Variants in TTC28 observed in about 807,000 individuals in gnomAD.
TTC28 encodes the protein tetratricopeptide repeat protein 28.
A neutral mutation model predicts 198.0 loss-of-function variants in TTC28; 61 were observed. The observed-to-expected ratio is 0.31, with a 90% confidence interval of 0.25 to 0.38. TTC28 has a LOEUF of 0.38. Ranked by LOEUF, TTC28 falls within the 10% of genes least tolerant of loss-of-function variation. The pLI, the probability that TTC28 is intolerant of heterozygous loss-of-function variation, is 1.00. For synonymous variants in TTC28, 1,171 were observed against 1,297.8 expected, an observed-to-expected ratio of 0.90 and a Z score of 2.10; for missense variants, 2,678 against 3,164.0, an observed-to-expected ratio of 0.85 and a Z score of 3.69.
intron 12 of TTC28, among the ~76,000 whole-genome samples, chr22:28,069,745 C>T (rs1003600190): frequency 6.6e-6 from 1 of 152,000 alleles, no homozygotes; most frequent in South Asian, 2.1e-4. Context: ...ATTATCTATC[C>T]CTTTTCAACC....
At chr22:28,223,528 A>C (rs779108696) in intron 5 of TTC28, among the ~76,000 whole-genome samples, 3 of 152,194 alleles carry the variant, frequency 2.0e-5, no homozygotes, top group Non-Finnish European at 2.9e-5. Context: ...AATTATCTGA[A>C]CTAGATTTGA....
intron 6 of TTC28, among the ~76,000 whole-genome samples, chr22:28,132,528 G>C (rs1943084143): frequency 6.6e-6 from 1 of 152,158 alleles, no homozygotes; most frequent in Non-Finnish European, 1.5e-5. Context: ...TAAAGTAAGA[G>C]TTAGACTGAA....
chr22:28,263,202 T>A (rs1302962919), intron 5 of TTC28, among the ~76,000 whole-genome samples: 1 of 152,192 alleles, frequency 6.6e-6, no homozygotes, highest in Non-Finnish European at 1.5e-5. Context: ...ATCTATTACA[T>A]CTTTACTATA....
intron 2 of TTC28, among the ~76,000 whole-genome samples, chr22:28,430,397 C>T (rs1184588523): frequency 6.6e-6 from 1 of 152,034 alleles, no homozygotes; most frequent in Admixed American, 6.6e-5. Context: ...AGATCTCAAA[C>T]TGATTGTTTA....
intron 12 of TTC28, among the ~76,000 whole-genome samples, chr22:28,071,545 A>G (rs951646443): frequency 6.8e-6 from 1 of 146,356 alleles, no homozygotes; most frequent in Non-Finnish European, 1.5e-5. Flanking sequence ...GATCACATGG[A>G]CACATGAAGG....
chr22:28,190,084 T>C (rs947658774), intron 5 of TTC28, among the ~76,000 whole-genome samples: 1 of 152,180 alleles, frequency 6.6e-6, no homozygotes, highest in Non-Finnish European at 1.5e-5. Context: ...AAATGGCCCA[T>C]GGTCACCATG....
At chr22:28,647,255 A>C (rs548895941) in intron 1 of TTC28, among the ~76,000 whole-genome samples, 2 of 152,324 alleles carry the variant, frequency 1.3e-5, no homozygotes, top group South Asian at 4.1e-4. Context: ...TAAGGACTTA[A>C]ATCTAGGACC....
At chr22:28,268,017 A>G (rs932403439) in intron 5 of TTC28, among the ~76,000 whole-genome samples, 17 of 152,218 alleles carry the variant, frequency 1.1e-4, no homozygotes, top group African/African-American at 3.9e-4. Context: ...CTAGTGTGCC[A>G]TCAAGAACAG....
At position 28,163,736 on chromosome 22, in the gene TTC28, G is replaced by A. The variant is rs530824160; in HGVS notation, c.934-137C>T. ...GTCTACAGCTCCCAGCGTGAGTGAC[G>A]CAGAAGACGGGTGATTTCTGCATTT... is the stretch of plus-strand genomic sequence containing the variant. On this transcript the variant is annotated intron_variant, in intron 5 of 22. Transcript: ENST00000397906. The A allele has an allele frequency of 2.2e-4, 218 of 978,218 alleles. 1 individual carries two copies. The African/African-American group carries it at 3.2e-3, about 14-fold the overall frequency. 60.6% of individuals were successfully genotyped at this position (978,218 alleles called of 1,614,324 possible).
chr22:28,337,366 T>C (rs1321100929), intron 2 of TTC28, among the ~76,000 whole-genome samples: 1 of 152,118 alleles, frequency 6.6e-6, no homozygotes, highest in Non-Finnish European at 1.5e-5. Flanking sequence ...CCGCTTGGTG[T>C]AGAGCTGAGT....
chr22:28,130,286 A>G (rs1277724543), intron 6 of TTC28, among the ~76,000 whole-genome samples: 1 of 152,138 alleles, frequency 6.6e-6, no homozygotes, highest in Non-Finnish European at 1.5e-5. Context: ...CCCCAAATTA[A>G]AGATATTGCT....
intron 3 of TTC28, among the ~76,000 whole-genome samples, chr22:28,305,875 C>G (rs1019377787): frequency 6.6e-6 from 1 of 152,134 alleles, no homozygotes; most frequent in Non-Finnish European, 1.5e-5. Flanking sequence ...GTACCATTTT[C>G]AATCCATTCT....
At chr22:28,332,265 CACT>C (rs1361468729) in intron 2 of TTC28, among the ~76,000 whole-genome samples, 2 of 151,656 alleles carry the variant, frequency 1.3e-5, no homozygotes, top group African/African-American at 2.4e-5. Flanking sequence ...ATTTTTTAAC[CACT>C]ACAAGTAAAA....
chr22:28,657,563 T>C (rs1287987342), intron 1 of TTC28, among the ~76,000 whole-genome samples: 2 of 152,206 alleles, frequency 1.3e-5, no homozygotes, highest in Non-Finnish European at 2.9e-5. Flanking sequence ...AATTCACAGA[T>C]GTGTACAATT....
At chr22:28,071,004 C>T (rs1040454640) in intron 12 of TTC28, among the ~76,000 whole-genome samples, 7 of 152,148 alleles carry the variant, frequency 4.6e-5, no homozygotes, top group Admixed American at 3.3e-4. Context: ...GAACTAAAGC[C>T]TCTATGAGTA....
intron 12 of TTC28, among the ~76,000 whole-genome samples, chr22:28,032,172 A>G (rs924927012): frequency 1.3e-4 from 14 of 110,050 alleles, no homozygotes; most frequent in African/African-American, 3.8e-4. Context: ...GTGTGTGTAT[A>G]TATATATATA....
At chr22:28,433,665 A>G (rs1013766408) in intron 2 of TTC28, among the ~76,000 whole-genome samples, 1 of 152,210 alleles carries the variant, frequency 6.6e-6, no homozygotes, top group Non-Finnish European at 1.5e-5. Context: ...TATTAATCAC[A>G]TGGGTTCCTT....
intron 2 of TTC28, among the ~76,000 whole-genome samples, chr22:28,528,395 T>C (rs868172678): frequency 6.6e-6 from 1 of 152,020 alleles, no homozygotes; most frequent in Non-Finnish European, 1.5e-5. Context: ...AGGATGCATA[T>C]AGTAATCCCT....
chr22:28,345,255 C>T (rs2045887440), intron 2 of TTC28, among the ~76,000 whole-genome samples: 2 of 152,184 alleles, frequency 1.3e-5, no homozygotes, highest in South Asian at 2.1e-4. Context: ...TGTCATACTA[C>T]AGCCAATAAA....
Sources: gnomAD v4.1 joint callset for allele counts (sites outside exome capture counted in the v4.1 genomes callset) on GRCh38, gnomAD v4.1.1 for gene constraint, MANE v1.5 for transcripts, NCBI Gene and HGNC (gene_info 2026-07-23, HGNC 2026-07-21) for gene names.